Variants in PTPRD observed in about 807,000 individuals in gnomAD.
PTPRD encodes protein tyrosine phosphatase receptor type D.
In PTPRD, 34 loss-of-function variants were observed where a neutral mutation model predicts 214.5. The observed-to-expected ratio is 0.16, with a 90% CI of 0.12 to 0.21. The LOEUF (loss-of-function observed/expected upper bound fraction) is 0.21, where lower values mean the gene tolerates loss of function less well. Ranked by LOEUF, PTPRD falls within the 10% of genes least tolerant of loss-of-function variation. The pLI, the probability that PTPRD is intolerant of heterozygous loss-of-function variation, is 1.00. For synonymous variants in PTPRD, 1,128 were observed against 845.7 expected, an observed-to-expected ratio of 1.33 and a Z score of -5.79; for missense variants, 2,545 against 2,398.7, an observed-to-expected ratio of 1.06 and a Z score of -1.27.
intron 7 of PTPRD, among the ~76,000 whole-genome samples, chr9:9,660,949 G>C (rs555888183): frequency 1.2e-4 from 18 of 152,058 alleles, no homozygotes; most frequent in African/African-American, 4.1e-4. Context: ...TCAATAACCA[G>C]AAGTTGTGAA....
rs869096131 is a variant in PTPRD, at chr9:9,976,689, C to CAAAAAAAAAAAAAA, written c.-471-38093_-471-38080dup. On this transcript the variant is annotated intron_variant, in intron 4 of 45. Transcript: ENST00000381196. ...GGTGTGAGCCACTACACCCTGCCAC[C>CAAAAAAAAAAAAAA]AAAAAAAAAAAAAAAAAAAAAAATT... is the stretch of plus-strand genomic sequence containing the variant. Among the ~76,000 whole-genome samples, 193 of 63,246 alleles carry CAAAAAAAAAAAAAA rather than the reference C, an allele frequency of 3.1e-3. 9 individuals carry two copies. The highest frequency in any genetic ancestry group is 0.012 in the African/African-American group (158 of 13,064). 41.5% of individuals were successfully genotyped at this position (63,246 alleles called of 152,430 possible).
intron 7 of PTPRD, among the ~76,000 whole-genome samples, chr9:9,725,123 G>C (rs953356978): frequency 5.3e-5 from 8 of 152,062 alleles, no homozygotes; most frequent in African/African-American, 1.9e-4. Flanking sequence ...TGCTTCAAAG[G>C]TGATATGGTT....
rs549577923 is a variant in PTPRD, at chr9:9,879,628, G to C, written c.-368+58879C>G. On this transcript the variant is annotated intron_variant, in intron 5 of 45. Transcript: ENST00000381196. ...CTCTCCACTCACATCTGTCAGACCA[G>C]GAATATACTGACTAAAATTGACAGA... Among the ~76,000 whole-genome samples the C allele has an allele frequency of 3.5e-4, 53 of 152,124 alleles. 1 individual carries two copies. The highest frequency in any genetic ancestry group is 1.0e-3 in the African/African-American group (43 of 41,430).
chr9:9,868,684 A>G (rs1048522322), intron 5 of PTPRD, among the ~76,000 whole-genome samples: 9 of 151,034 alleles, frequency 6.0e-5, no homozygotes, highest in African/African-American at 2.2e-4. Flanking sequence ...TATTATGAGG[A>G]AAGATACACA....
intron 11 of PTPRD, among the ~76,000 whole-genome samples, chr9:9,012,097 A>G (rs756152127): frequency 3.3e-5 from 5 of 152,180 alleles, no homozygotes; most frequent in Non-Finnish European, 7.3e-5. Flanking sequence ...GGAAAAAGCT[A>G]TAGTCAAGGA....
chr9:8,734,357 G>A (rs540790408), intron 11 of PTPRD, among the ~76,000 whole-genome samples: 1 of 152,314 alleles, frequency 6.6e-6, no homozygotes, highest in South Asian at 2.1e-4. Context: ...CCTCCATGCA[G>A]GATAAAAGTC....
chr9:9,991,222 C>A (rs559572107), intron 4 of PTPRD, among the ~76,000 whole-genome samples: 1 of 152,160 alleles, frequency 6.6e-6, no homozygotes, highest in Admixed American at 6.5e-5. Flanking sequence ...GCATGAGCCA[C>A]CATGCCCGGC....
intron 23 of PTPRD, among the ~76,000 whole-genome samples, chr9:8,501,719 T>C (rs1370314417): frequency 1.3e-5 from 2 of 152,198 alleles, no homozygotes; most frequent in African/African-American, 4.8e-5. Flanking sequence ...ACAGTGAGCA[T>C]GCAGAATCAA....
At chr9:8,377,235 G>T (rs1500324) in intron 37 of PTPRD, among the ~76,000 whole-genome samples, 2 of 151,090 alleles carry the variant, frequency 1.3e-5, no homozygotes, top group Non-Finnish European at 3.0e-5. Context: ...CTTTTTTTTT[G>T]AACACAAGAT....
chr9:9,084,454 A>G (rs2099764034), intron 10 of PTPRD, among the ~76,000 whole-genome samples: 1 of 152,150 alleles, frequency 6.6e-6, no homozygotes, highest in South Asian at 2.1e-4. Context: ...ACTATTGCAG[A>G]TGACAGGTTG....
chr9:10,387,208 G>A (rs777598914), intron 2 of PTPRD, among the ~76,000 whole-genome samples: 89 of 151,704 alleles, frequency 5.9e-4, no homozygotes, highest in Non-Finnish European at 6.5e-4. Context: ...CACTAACTTC[G>A]CAGTAATTCT....
At chr9:9,265,598 T>C (rs1939053944) in intron 9 of PTPRD, among the ~76,000 whole-genome samples, 1 of 151,440 alleles carries the variant, frequency 6.6e-6, no homozygotes, top group Non-Finnish European at 1.5e-5. Context: ...TCTAGGGAGA[T>C]GAAAATGTAG....
intron 2 of PTPRD, among the ~76,000 whole-genome samples, chr9:10,387,820 CTTT>C (rs58959929): frequency 0.012 from 1,004 of 82,556 alleles, 9 homozygotes; most frequent in African/African-American, 0.047. Flanking sequence ...AAGATTTTGT[CTTT>C]TTTTTTTTTT....
rs796851885 is a variant in PTPRD at position 10,000,644 on chromosome 9, T to C, written c.-472+33074A>G. Among the ~76,000 whole-genome samples the C allele has an allele frequency of 5.9e-5, 9 of 152,316 alleles. 1 individual carries two copies. Among genetic ancestry groups the C allele is most frequent in the African/African-American group, 2.2e-4 (9 of 41,576 alleles). On this transcript the variant is annotated intron_variant, in intron 4 of 45. Coordinates refer to ENST00000381196, the MANE Select transcript of PTPRD (RefSeq NM_002839.4). ...AGAGGGTAAAAGTTCTTGATAAGAC[T>C]TTTTCTTTTAATAAAAACAGCTCCC...
intron 3 of PTPRD, among the ~76,000 whole-genome samples, chr9:10,209,022 A>G (rs2154340145): frequency 6.6e-6 from 1 of 152,314 alleles, no homozygotes; most frequent in South Asian, 2.1e-4. Context: ...GTTTGGTTTT[A>G]TCTGCTTTTC....
intron 8 of PTPRD, among the ~76,000 whole-genome samples, chr9:9,448,692 T>G (rs965380868): frequency 6.6e-6 from 1 of 152,028 alleles, no homozygotes; most frequent in African/African-American, 2.4e-5. Context: ...CAGCTCTTAC[T>G]TACATGGGCA....
intron 8 of PTPRD, among the ~76,000 whole-genome samples, chr9:9,414,382 TGC>T (rs2076382752): frequency 6.6e-6 from 1 of 152,174 alleles, no homozygotes; most frequent in Non-Finnish European, 1.5e-5. Flanking sequence ...TTAAGGTCTT[TGC>T]ATCAAAAAAT....
chr9:9,501,433 A>G (rs1479879918), intron 8 of PTPRD, among the ~76,000 whole-genome samples: 1 of 151,980 alleles, frequency 6.6e-6, no homozygotes, highest in Non-Finnish European at 1.5e-5. Context: ...TAACAATCAT[A>G]TATGTGTATG....
chr9:9,937,608 T>A (rs1049576689), intron 5 of PTPRD, among the ~76,000 whole-genome samples: 4 of 152,108 alleles, frequency 2.6e-5, no homozygotes, highest in African/African-American at 4.8e-5. Flanking sequence ...GGAGGAGGGA[T>A]TGTTGAGGTA....
Sources: allele counts gnomAD v4.1 joint callset (sites outside exome capture counted in the v4.1 genomes callset), GRCh38; gene constraint gnomAD v4.1.1; transcripts MANE v1.5; gene names NCBI Gene and HGNC (gene_info 2026-07-23, HGNC 2026-07-21).